ADAMTS17: variants seen among roughly 807,000 people sequenced by gnomAD.
ADAMTS17 encodes ADAM metallopeptidase with thrombospondin type 1 motif 17.
Under a neutral mutation model 141.5 loss-of-function variants are expected in ADAMTS17, and 113 were observed. The observed-to-expected ratio is 0.80, with a 90% confidence interval of 0.69 to 0.93. The LOEUF is 0.93. ADAMTS17 is among the 40% of genes least tolerant of loss of function. ADAMTS17 has a pLI of 0.00. For synonymous variants in ADAMTS17, 768 were observed against 630.6 expected (o/e 1.22, Z -3.27); for missense variants, 1,659 against 1,517.9 (o/e 1.09, Z -1.54).
chr15:100,281,762 G>A (rs1567481662), intron 3 of ADAMTS17, among the ~76,000 whole-genome samples: 1 of 152,312 alleles, frequency 6.6e-6, no homozygotes, highest in East Asian at 1.9e-4. Flanking sequence ...CAGCGGGCAG[G>A]GGTCTGAAAG....
chr15:100,064,018 C>A (rs1332462338), intron 15 of ADAMTS17, among the ~76,000 whole-genome samples: 1 of 152,182 alleles, frequency 6.6e-6, no homozygotes, highest in Non-Finnish European at 1.5e-5. Context: ...ACTGGGCCCC[C>A]CCTTCAACCA....
At chr15:100,205,740 C>A (rs1315360757) in intron 7 of ADAMTS17, among the ~76,000 whole-genome samples, 1 of 152,210 alleles carries the variant, frequency 6.6e-6, no homozygotes, top group Non-Finnish European at 1.5e-5. Flanking sequence ...AGGCCTTGCG[C>A]CGGGCAGAGT....
chr15:100,131,977 C>T (rs769814731), intron 12 of ADAMTS17, 30 bp downstream of exon 12: 10 of 1,614,134 alleles, frequency 6.2e-6, no homozygotes, highest in African/African-American at 2.7e-5. Flanking sequence ...AATCGTGGCA[C>T]GTTGGGGTAT....
intron 18 of ADAMTS17, among the ~76,000 whole-genome samples, chr15:100,011,748 G>C (rs2061187845): frequency 6.6e-6 from 1 of 152,212 alleles, no homozygotes; most frequent in Admixed American, 6.5e-5. Context: ...TTATGGCCAA[G>C]TAGTATTCCA....
At chr15:100,191,780 G>A (rs2141593267) in intron 8 of ADAMTS17, among the ~76,000 whole-genome samples, 1 of 152,282 alleles carries the variant, frequency 6.6e-6, no homozygotes, top group East Asian at 1.9e-4. Flanking sequence ...TTATTTGTGT[G>A]AGAGAAAGGG....
chr15:100,016,615 T>C (rs1359154190), intron 18 of ADAMTS17, among the ~76,000 whole-genome samples: 2 of 152,198 alleles, frequency 1.3e-5, no homozygotes, highest in Non-Finnish European at 2.9e-5. Context: ...TGAGCCGAAC[T>C]GAAGTGATTG....
At chr15:100,071,057 A>T (rs4965581) in intron 15 of ADAMTS17, among the ~76,000 whole-genome samples, 1 of 149,574 alleles carries the variant, frequency 6.7e-6, no homozygotes, top group Non-Finnish European at 1.5e-5. Context: ...ATGATAAAGC[A>T]GATATCACCA....
intron 10 of ADAMTS17, among the ~76,000 whole-genome samples, chr15:100,151,742 TGGCCTTCCCCTGTGGCCAG>T (rs1383953237): frequency 2.6e-4 from 40 of 152,192 alleles, no homozygotes; most frequent in Non-Finnish European, 4.4e-5. Flanking sequence ...CACAGGCTCC[TGGCCTTCCCCTGTGGCCAG>T]GGCCTTCCCT....
rs1567387972 is a variant in ADAMTS17 at position 100,225,963 on chromosome 15, TA to T, written c.1076-26541del. Among the ~76,000 whole-genome samples, 6 of 135,320 alleles carry T rather than the reference TA, an allele frequency of 4.4e-5. No individual in the cohort carries two copies. In the South Asian group the frequency reaches 1.2e-3, roughly 28 times the overall value. 88.8% of individuals were successfully genotyped at this position (135,320 alleles called of 152,430 possible). A position where few individuals can be genotyped will look rare whatever the true frequency, so the allele number is the denominator to read the frequency against. ...TGCCATTCAGTCCTTATAGCAGTCA[TA>T]GCCTCTGTGCCATTCAGTCCTTATA... On this transcript the variant is annotated intron_variant, in intron 7 of 21. Transcript: ENST00000268070.
chr15:100,231,681 T>G (rs4965605), intron 7 of ADAMTS17, among the ~76,000 whole-genome samples: 107,652 of 151,994 alleles, frequency 0.71, 38,391 homozygotes, highest in South Asian at 0.81. Context: ...AGGGCAGGAG[T>G]GAGTTTGGAA....
At chr15:100,029,001 T>A (rs553802947) in intron 18 of ADAMTS17, among the ~76,000 whole-genome samples, 1 of 152,350 alleles carries the variant, frequency 6.6e-6, no homozygotes, top group Admixed American at 6.5e-5. Flanking sequence ...TTTGCGGACA[T>A]CTCGCTGTCT....
chr15:99,975,320 C>T (rs1189764065), intron 21 of ADAMTS17, among the ~76,000 whole-genome samples: 1 of 152,238 alleles, frequency 6.6e-6, no homozygotes, highest in African/African-American at 2.4e-5. Context: ...AGCGATTCTC[C>T]TGCCTCAGTC....
intron 18 of ADAMTS17, among the ~76,000 whole-genome samples, chr15:100,027,158 T>C (rs1261624339): frequency 6.6e-6 from 1 of 152,246 alleles, no homozygotes; most frequent in Non-Finnish European, 1.5e-5. Context: ...TTTTACTACC[T>C]GGTTTATCAG....
At chr15:100,254,550 A>G (rs2043261946) in intron 6 of ADAMTS17, among the ~76,000 whole-genome samples, 1 of 152,186 alleles carries the variant, frequency 6.6e-6, no homozygotes, top group African/African-American at 2.4e-5. Context: ...TACTTCCCCA[A>G]GCTACTCTAT....
intron 19 of ADAMTS17, among the ~76,000 whole-genome samples, chr15:99,994,089 C>A (rs1241093050): frequency 6.6e-6 from 1 of 152,126 alleles, no homozygotes; most frequent in African/African-American, 2.4e-5. Flanking sequence ...CTTACCATCT[C>A]CAAAAGCAAA....
At position 100,147,326 on chromosome 15, in the gene ADAMTS17, A is replaced by G. The variant is rs76254040; in HGVS notation, c.1473+5286T>C. Among the ~76,000 whole-genome samples the G allele has an allele frequency of 8.1e-3, 1,237 of 152,264 alleles. 11 individuals carry two copies. Among genetic ancestry groups the G allele is most frequent in the Non-Finnish European group, 0.012 (800 of 68,002 alleles). ...TTCCCTGATAGTTATGCATCACTCA[A>G]CAATGGGAATACGTTCTGAGAAATC... On this transcript the variant is annotated intron_variant, in intron 10 of 21. Coordinates refer to ENST00000268070, the MANE Select transcript of ADAMTS17 (RefSeq NM_139057.4).
chr15:100,134,370 T>A (rs1467828529), intron 10 of ADAMTS17, among the ~76,000 whole-genome samples: 3 of 152,174 alleles, frequency 2.0e-5, no homozygotes, highest in Non-Finnish European at 4.4e-5. Context: ...GTCTGAAAAT[T>A]GAGAACAGAT....
intron 18 of ADAMTS17, among the ~76,000 whole-genome samples, chr15:100,035,562 G>T (rs1259224301): frequency 6.6e-6 from 1 of 152,072 alleles, no homozygotes; most frequent in Non-Finnish European, 1.5e-5. Flanking sequence ...AAGGAGGATG[G>T]CACTTTTTTC....
At chr15:100,263,717 G>A (rs1596390992) in intron 4 of ADAMTS17, among the ~76,000 whole-genome samples, 2 of 152,356 alleles carry the variant, frequency 1.3e-5, no homozygotes, top group African/African-American at 2.4e-5. Flanking sequence ...AGTGGCAGAT[G>A]GAAGGTTGGA....
Sources: gnomAD v4.1 joint callset for allele counts (sites outside exome capture counted in the v4.1 genomes callset) on GRCh38, gnomAD v4.1.1 for gene constraint, MANE v1.5 for transcripts, NCBI Gene and HGNC (gene_info 2026-07-23, HGNC 2026-07-21) for gene names.